Variants in RFTN1 observed in about 807,000 individuals in gnomAD.
The protein encoded by RFTN1 is raftlin, lipid raft linker 1.
RFTN1 carries 26 observed loss-of-function variants against 46.5 expected under a neutral mutation model. The observed-to-expected ratio is 0.56, with a 90% CI of 0.41 to 0.78. The LOEUF is 0.78. Among genes scored for constraint, RFTN1 ranks in the 30% least tolerant of loss-of-function variants. The pLI is 0.00. For missense variants in RFTN1, 693 were observed against 718.7 expected, an observed-to-expected ratio of 0.96 and a Z score of 0.41; for synonymous variants, 261 against 284.2, an observed-to-expected ratio of 0.92 and a Z score of 0.82.
rs2073973349 is a variant in RFTN1, at chr3:16,380,998, C to CTGTGTGCCTGGTGCTTAGGT, written c.442-2897_442-2896insACCTAAGCACCAGGCACACA. 6.6e-6 allele frequency among the ~76,000 whole-genome samples: 1 copy of CTGTGTGCCTGGTGCTTAGGT among 152,212 alleles called. No individual in the cohort carries two copies. The highest frequency in any genetic ancestry group is 1.5e-5 in the Non-Finnish European group (1 of 68,046). ...AATAAGCCCCTACACTGGTCCAGGCCAACACGGTGCTTAGGTACCAGGAAT... is the reference window on the plus strand; with the variant it reads ...AATAAGCCCCTACACTGGTCCAGGCCTGTGTGCCTGGTGCTTAGGTAACACGGTGCTTAGGTACCAGGAAT... On this transcript the variant is annotated intron_variant, in intron 4 of 9. Coordinates refer to ENST00000334133, the MANE Select transcript of RFTN1 (RefSeq NM_015150.2). This position sits in a 1 kb window ranked among gnomAD's most constrained non-coding sequence, Gnocchi z 4.8.
At chr3:16,398,282 A>G (rs1364427689) in intron 4 of RFTN1, among the ~76,000 whole-genome samples, 1 of 150,032 alleles carries the variant, frequency 6.7e-6, no homozygotes, top group Non-Finnish European at 1.5e-5. Flanking sequence ...AAGAAGCATC[A>G]TGACTCTCCA....
rs1408160101 is a variant in RFTN1, at chr3:16,465,291, AAGAAAAATG to A, written c.145+28425_145+28433del. 1.3e-5 allele frequency among the ~76,000 whole-genome samples: 2 copies of A among 151,996 alleles called. No homozygotes were observed. Among genetic ancestry groups the A allele is most frequent in the African/African-American group, 2.4e-5 (1 of 41,372 alleles). ...TTGTTCAGAAAATGAACATATAAGG[AAGAAAAATG>A]AGAAGTATCCTGAAGAATGTGTTCA... On this transcript the variant is annotated intron_variant, in intron 2 of 9. Transcript: ENST00000334133. This position sits in a 1 kb window ranked among gnomAD's most constrained non-coding sequence, Gnocchi z 5.1.
intron 3 of RFTN1, among the ~76,000 whole-genome samples, chr3:16,432,658 G>A (rs748539666): frequency 1.1e-4 from 16 of 151,966 alleles, no homozygotes; most frequent in Non-Finnish European, 1.6e-4. Flanking sequence ...GCAACATAGC[G>A]AGACCTTGTT....
intron 2 of RFTN1, among the ~76,000 whole-genome samples, chr3:16,441,594 C>T (rs936557628): frequency 7.9e-5 from 12 of 152,204 alleles, no homozygotes; most frequent in African/African-American, 2.9e-4. Flanking sequence ...GCCCATTTCA[C>T]TCAGCTCTGT....
chr3:16,477,681 C>T (rs975640079), intron 2 of RFTN1, among the ~76,000 whole-genome samples: 2 of 152,212 alleles, frequency 1.3e-5, no homozygotes, highest in African/African-American at 2.4e-5. Context: ...AGGGAGGGCT[C>T]TGCTGCCCAC....
Position 16,474,600 on chromosome 3 carries a change from G to A in RFTN1, c.145+19125C>T, listed in dbSNP as rs1337735323. Among the ~76,000 whole-genome samples the A allele has an allele frequency of 1.3e-5, 2 of 151,874 alleles. No individual in the cohort carries two copies. The highest frequency in any genetic ancestry group is 1.9e-4 in the East Asian group (1 of 5,192). ...GGCCACTTTAAAGCACTCAAGGAGA[G>A]GTGAAGAAAAAAAAAATAGGCTCCC... On this transcript the variant is annotated intron_variant, in intron 2 of 9. Coordinates refer to ENST00000334133, the MANE Select transcript of RFTN1 (RefSeq NM_015150.2). This position sits in a 1 kb window ranked among gnomAD's most constrained non-coding sequence, Gnocchi z 5.5.
intron 8 of RFTN1, among the ~76,000 whole-genome samples, chr3:16,325,053 T>A (rs1429505566): frequency 6.6e-6 from 1 of 152,226 alleles, no homozygotes; most frequent in Non-Finnish European, 1.5e-5. Context: ...CTTAAATCTG[T>A]TTTGTAAATT....
At chr3:16,333,903 C>T (rs1035181493) in intron 7 of RFTN1, among the ~76,000 whole-genome samples, 38 of 152,070 alleles carry the variant, frequency 2.5e-4, no homozygotes, top group African/African-American at 8.5e-4. Flanking sequence ...TGGTGGCTCA[C>T]GCCTGTAATC....
intron 5 of RFTN1, among the ~76,000 whole-genome samples, chr3:16,371,864 C>T (rs138511739): frequency 1.9e-3 from 286 of 152,288 alleles, no homozygotes; most frequent in African/African-American, 6.5e-3. Context: ...ATAGAACTGG[C>T]AGTCACTAGA....
rs2072123772 is a variant in RFTN1, at chr3:16,351,816, C to A, written c.1146+6116G>T. On this transcript the variant is annotated intron_variant, in intron 7 of 9. Coordinates refer to ENST00000334133, the MANE Select transcript of RFTN1 (RefSeq NM_015150.2). This position sits in a 1 kb window ranked among gnomAD's most constrained non-coding sequence, Gnocchi z 5.4. The stretch of plus-strand genomic sequence containing the variant: ...TTCCTTGAATAGACTCAGCAAAGAA[C>A]AATCACTAAAAAGTAACAACTGGCT... Among the ~76,000 whole-genome samples the A allele has an allele frequency of 6.6e-6, 1 of 152,104 alleles. No homozygotes were observed. Among genetic ancestry groups the A allele is most frequent in the Non-Finnish European group, 1.5e-5 (1 of 68,008 alleles).
In RFTN1 at chr3:16,321,433, C is replaced by T. The variant is rs1450170581; in HGVS notation, c.1332+1943G>A. Among the ~76,000 whole-genome samples the T allele has an allele frequency of 6.6e-6, 1 of 152,132 alleles. No homozygotes were observed. The highest frequency in any genetic ancestry group is 2.1e-4 in the South Asian group (1 of 4,824). The stretch of plus-strand genomic sequence containing the variant: ...AGTGGGGGTGGTCCCAACATCCGGG[C>T]TGCAAGAGCTCAGGCATGATGAGGA... On this transcript the variant is annotated intron_variant, in intron 9 of 9. Coordinates refer to ENST00000334133, the MANE Select transcript of RFTN1 (RefSeq NM_015150.2). This position sits in a 1 kb window ranked among gnomAD's most constrained non-coding sequence, Gnocchi z 4.8.
At chr3:16,412,343 T>C (rs1332913418) in intron 3 of RFTN1, among the ~76,000 whole-genome samples, 1 of 152,230 alleles carries the variant, frequency 6.6e-6, no homozygotes, top group Non-Finnish European at 1.5e-5. Context: ...GGACAGATGC[T>C]GGCTGCCCAG....
intron 3 of RFTN1, among the ~76,000 whole-genome samples, chr3:16,417,657 C>T (rs1341930145): frequency 4.6e-5 from 7 of 152,194 alleles, no homozygotes; most frequent in Admixed American, 4.6e-4. Context: ...TGTAGTCATT[C>T]TCCAGGCAGG....
At chr3:16,347,911 G>C (rs73142393) in intron 7 of RFTN1, 3 of 152,130 alleles carry the variant, frequency 2.0e-5, no homozygotes, top group Non-Finnish European at 2.9e-5. Flanking sequence ...TATTAAGGAT[G>C]TGCTGCCAGT....
At position 16,352,392 on chromosome 3, in the gene RFTN1, A is replaced by G. The variant is rs2125322021; in HGVS notation, c.1146+5540T>C. ...TCTGTATCTTGCTCTTTACCTATTC[A>G]TCTATGTAGTTTTTTCCTTTCCTTT... On this transcript the variant is annotated intron_variant, in intron 7 of 9. Coordinates refer to ENST00000334133, the MANE Select transcript of RFTN1 (RefSeq NM_015150.2). This position sits in a 1 kb window ranked among gnomAD's most constrained non-coding sequence, Gnocchi z 4.6. Among the ~76,000 whole-genome samples the G allele has an allele frequency of 6.6e-6, 1 of 152,282 alleles. No homozygotes were observed. The highest frequency in any genetic ancestry group is 2.1e-4 in the South Asian group (1 of 4,828).
Position 16,433,900 on chromosome 3 carries a change from T to A in RFTN1, c.283A>T (p.Thr95Ser), listed in dbSNP as rs373009209. Residue 95 changes from threonine to serine, a missense_variant, in exon 3 of 10, where the codon ACG becomes TCG. Physicochemically the swap from Thr to Ser is moderately conservative, Grantham distance 58. Transcript: ENST00000334133. This position sits in a 1 kb window ranked among gnomAD's most constrained non-coding sequence, Gnocchi z 4.4. ...GCTCTAAAGATGTGCTCCAGGGGCGTCTTCTCCCGCTCATGGGTGGGCTGC... is the reference window on the plus strand; with the variant it reads ...GCTCTAAAGATGTGCTCCAGGGGCGACTTCTCCCGCTCATGGGTGGGCTGC... ...FVQPTHEREK[T>S]PLEHIFRAIL... 21 of 1,614,134 alleles carry A rather than the reference T, an allele frequency of 1.3e-5. No individual in the cohort carries two copies. The highest frequency in any genetic ancestry group is 4.5e-5 in the East Asian group (2 of 44,872).
intron 3 of RFTN1, among the ~76,000 whole-genome samples, chr3:16,420,815 T>C (rs901805883): frequency 6.6e-6 from 1 of 152,230 alleles, no homozygotes; most frequent in Non-Finnish European, 1.5e-5. Context: ...TTAATTCTGT[T>C]CTCAAACTTT....
chr3:16,368,389 C>T (rs1349574957), intron 6 of RFTN1, among the ~76,000 whole-genome samples: 1 of 152,158 alleles, frequency 6.6e-6, no homozygotes, highest in Non-Finnish European at 1.5e-5. Context: ...CACGTATATT[C>T]GGCCGGGCAC....
Position 16,418,454 on chromosome 3 carries a change from T to C in RFTN1, c.333-8971A>G, listed in dbSNP as rs1260874704. 3.3e-5 allele frequency among the ~76,000 whole-genome samples: 5 copies of C among 152,112 alleles called. No individual in the cohort carries two copies. Among genetic ancestry groups the C allele is most frequent in the Non-Finnish European group, 5.9e-5 (4 of 68,018 alleles). On this transcript the variant is annotated intron_variant, in intron 3 of 9. Coordinates refer to ENST00000334133, the MANE Select transcript of RFTN1 (RefSeq NM_015150.2). This position sits in a 1 kb window ranked among gnomAD's most constrained non-coding sequence, Gnocchi z 5.0. ...AGGCAGTTATGAAAAGGAGAGAGAA[T>C]GTGCAGTTCATCAGTAGGGTTATTT...
Sources: gnomAD v4.1 joint callset for allele counts (sites outside exome capture counted in the v4.1 genomes callset) on GRCh38, gnomAD v4.1.1 for gene constraint, Gnocchi (gnomAD v3.1) non-coding constraint, MANE v1.5 for transcripts, NCBI Gene and HGNC (gene_info 2026-07-23, HGNC 2026-07-21) for gene names.